COL19A1: variants seen among roughly 807,000 people sequenced by gnomAD.
COL19A1 encodes the protein collagen type XIX alpha 1 chain.
A neutral mutation model predicts 190.2 loss-of-function variants in COL19A1; 159 were observed. The ratio of observed to expected loss-of-function variants is 0.84; its 90% CI spans 0.73 to 0.95. The LOEUF (loss-of-function observed/expected upper bound fraction) is 0.95. Among genes scored for constraint, COL19A1 ranks in the 40% least tolerant of loss-of-function variants. The pLI, the probability that COL19A1 is intolerant of heterozygous loss-of-function variation, is 0.00. For missense variants in COL19A1, 1,418 were observed against 1,431.9 expected (o/e 0.99, Z 0.16); for synonymous variants, 509 against 458.9 (o/e 1.11, Z -1.39).
chr6:69,926,397 TAAAGA>T (rs143181881), intron 4 of COL19A1, among the ~76,000 whole-genome samples: 1,917 of 152,148 alleles, frequency 0.013, 43 homozygotes, highest in African/African-American at 0.037. Context: ...TGTAATGAAC[TAAAGA>T]AAAGTATGAG....
At chr6:70,161,183 G>A (rs940734357) in intron 34 of COL19A1, among the ~76,000 whole-genome samples, 1 of 152,054 alleles carries the variant, frequency 6.6e-6, no homozygotes, top group South Asian at 2.1e-4. Flanking sequence ...TCACCAGTGA[G>A]CCAAATTTCT....
At chr6:69,952,191 G>T (rs145410302) in intron 9 of COL19A1, among the ~76,000 whole-genome samples, 13 of 151,976 alleles carry the variant, frequency 8.6e-5, no homozygotes, top group African/African-American at 3.1e-4. Flanking sequence ...CCAAATGAGA[G>T]GGTTTTGTCT....
intron 9 of COL19A1, among the ~76,000 whole-genome samples, chr6:69,958,613 A>G (rs1774577896): frequency 6.6e-6 from 1 of 152,218 alleles, no homozygotes; most frequent in Non-Finnish European, 1.5e-5. Context: ...ACATTTAATT[A>G]CATTTAGCAG....
At chr6:69,962,062 C>G (rs1774831377) in intron 10 of COL19A1, among the ~76,000 whole-genome samples, 1 of 152,168 alleles carries the variant, frequency 6.6e-6, no homozygotes, top group African/African-American at 2.4e-5. Flanking sequence ...ATGCACATGA[C>G]CTGTTCCCAA....
intron 16 of COL19A1, among the ~76,000 whole-genome samples, chr6:70,110,671 T>C (rs1356975825): frequency 3.3e-5 from 5 of 152,308 alleles, no homozygotes; most frequent in East Asian, 1.9e-4. Context: ...TTTTGAAAAC[T>C]GGCTCTCAGG....
Position 70,176,573 on chromosome 6 carries a change from A to C in COL19A1, c.2667+9A>C. On this transcript the variant is annotated intron_variant, in intron 42 of 50. Coordinates refer to ENST00000620364, the MANE Select transcript of COL19A1 (RefSeq NM_001858.6). ...GAATAGCAGGGATGTCGGTGAGTTC[A>C]GATTACTTCACATCATTTTCACAGG... 1 of 1,612,498 alleles carries C rather than the reference A, an allele frequency of 6.2e-7. No homozygotes were observed. Among genetic ancestry groups the C allele is most frequent in the East Asian group, 2.2e-5 (1 of 44,744 alleles).
intron 14 of COL19A1, among the ~76,000 whole-genome samples, chr6:70,053,485 T>C (rs1173764561): frequency 6.6e-6 from 1 of 152,206 alleles, no homozygotes; most frequent in Non-Finnish European, 1.5e-5. Flanking sequence ...TGAGCATGTA[T>C]GTAACACATC....
chr6:70,029,683 T>C (rs919718291), intron 12 of COL19A1, among the ~76,000 whole-genome samples: 2 of 152,150 alleles, frequency 1.3e-5, no homozygotes, highest in African/African-American at 4.8e-5. Context: ...AACATTGTAC[T>C]TTGTCACAGG....
rs1489521616 is a variant in COL19A1 at position 70,188,162 on chromosome 6, A to T, written c.2944A>T (p.Met982Leu). ...LTGMKGAIGPMGPPGNKGSMG... is the reference protein window; with the variant it reads ...LTGMKGAIGPLGPPGNKGSMG... ...AGGCATGAAGGGGGCCATCGGTCCT[A>T]TGGGTCCACCAGGAAACAAGGGCTC... Residue 982 changes from methionine (M) to leucine (L), a missense_variant, in exon 47 of 51, where the codon ATG becomes TTG. Physicochemically the swap from Met to Leu is conservative, Grantham distance 15. Transcript: ENST00000620364. 6.2e-7 allele frequency: 1 copy of T among 1,613,892 alleles called. No homozygotes were observed.
intron 41 of COL19A1, 72 bp from the exon 42 acceptor site, chr6:70,176,448 T>C: frequency 5.4e-6 from 8 of 1,484,868 alleles, no homozygotes; most frequent in Admixed American, 1.8e-5. Flanking sequence ...CAAATTATTA[T>C]TTGAGAATTA....
chr6:70,117,547 C>T (rs1784647205), intron 16 of COL19A1, among the ~76,000 whole-genome samples: 1 of 152,202 alleles, frequency 6.6e-6, no homozygotes, highest in South Asian at 2.1e-4. Context: ...TTGAATATAG[C>T]TTTAATTCAC....
rs111970771 is a variant in COL19A1 at position 70,103,828 on chromosome 6, CT to C, written c.1278+1612del. ...CATCTGTCTGACCACTGCACTGTGA[CT>C]TTTTTGAACCTCTATTTTCTCACCA... On this transcript the variant is annotated intron_variant, in intron 16 of 50. Transcript: ENST00000620364. 1.5e-3 allele frequency among the ~76,000 whole-genome samples: 223 copies of C among 152,324 alleles called. 3 individuals carry two copies. The highest frequency in any genetic ancestry group is 5.2e-3 in the African/African-American group (216 of 41,574).
At chr6:69,955,688 G>A (rs1234114091) in intron 9 of COL19A1, among the ~76,000 whole-genome samples, 1 of 151,872 alleles carries the variant, frequency 6.6e-6, no homozygotes, top group Non-Finnish European at 1.5e-5. Flanking sequence ...TGACCCGTGT[G>A]TGCCCAGAGA....
At chr6:70,149,174 C>T (rs1189406726) in intron 27 of COL19A1, among the ~76,000 whole-genome samples, 1 of 152,022 alleles carries the variant, frequency 6.6e-6, no homozygotes, top group African/African-American at 2.4e-5. Flanking sequence ...TACCTAAGAG[C>T]GGTACAACTA....
chr6:70,180,583 T>C (rs938422375), intron 44 of COL19A1, 60 bp downstream of exon 44: 5 of 1,527,184 alleles, frequency 3.3e-6, no homozygotes, highest in Non-Finnish European at 4.5e-6. Flanking sequence ...CATTATCTCC[T>C]CATCTACCAC....
intron 23 of COL19A1, 22 bp from the exon 24 acceptor site, chr6:70,144,188 C>T (rs1356331302): frequency 1.9e-6 from 3 of 1,603,760 alleles, no homozygotes; most frequent in Non-Finnish European, 2.6e-6. Context: ...TTACTCTTTC[C>T]TATTAACTCT....
intron 11 of COL19A1, among the ~76,000 whole-genome samples, chr6:70,022,255 C>T (rs768932272): frequency 4.6e-5 from 7 of 152,050 alleles, no homozygotes; most frequent in Non-Finnish European, 8.8e-5. Context: ...CACAGACATA[C>T]GCAGAGGGAT....
intron 4 of COL19A1, among the ~76,000 whole-genome samples, chr6:69,921,445 C>CATATATATCAT (rs1554166250): frequency 2.2e-4 from 6 of 27,184 alleles, no homozygotes; most frequent in African/African-American, 1.0e-3. Context: ...TCATATATAT[C>CATATATATCAT]ATATATCATA....
intron 16 of COL19A1, 109 bp downstream of exon 16, chr6:70,102,331 C>A: frequency 2.4e-6 from 2 of 840,822 alleles, no homozygotes; most frequent in Non-Finnish European, 4.0e-6. Context: ...CTTTATTCTA[C>A]TGTTTAGAAT....
Sources: gnomAD v4.1 joint callset for allele counts (sites outside exome capture counted in the v4.1 genomes callset) on GRCh38, gnomAD v4.1.1 for gene constraint, MANE v1.5 for transcripts, NCBI Gene and HGNC (gene_info 2026-07-23, HGNC 2026-07-21) for gene names.